Variants in TRIM36 observed in about 807,000 individuals in gnomAD.
TRIM36 encodes the protein E3 ubiquitin-protein ligase TRIM36.
TRIM36 carries 42 observed loss-of-function variants against 72.4 expected under a neutral mutation model. The observed-to-expected ratio is 0.58, with a 90% CI of 0.45 to 0.75. The LOEUF is 0.75. TRIM36 is among the 30% of genes least tolerant of loss of function. The probability of loss-of-function intolerance (pLI) is 0.00; values close to 1 mark genes in which losing one functional copy is unlikely to be tolerated. For missense variants in TRIM36, 913 were observed against 857.1 expected (o/e 1.07, Z -0.81); for synonymous variants, 315 against 282.8 (o/e 1.11, Z -1.14).
rs201318021 is a variant in TRIM36 at position 115,128,318 on chromosome 5, G to GA, written c.1797-1462dup. ...CAGGAGGTGGAGGTTGTGGTGAGCCGAGTTCATGCCATTGTACTCCAGCCT... is the reference window on the plus strand; with the variant it reads ...CAGGAGGTGGAGGTTGTGGTGAGCCGAAGTTCATGCCATTGTACTCCAGCCT... On this transcript the variant is annotated intron_variant, in intron 9 of 9. Coordinates refer to ENST00000513154, the MANE Select transcript of TRIM36 (RefSeq NM_001300759.2). 3.8e-3 allele frequency among the ~76,000 whole-genome samples: 574 copies of GA among 149,316 alleles called. 8 individuals are homozygous for GA. Among genetic ancestry groups the GA allele is most frequent in the Admixed American group, 0.028 (415 of 14,982 alleles).
intron 8 of TRIM36, among the ~76,000 whole-genome samples, chr5:115,132,184 A>ATGTGTGTGTGTG (rs141231840): frequency 7.1e-6 from 1 of 140,132 alleles, no homozygotes; most frequent in Non-Finnish European, 1.5e-5. Flanking sequence ...CTCTCTCTCT[A>ATGTGTGTGTGTG]TGTGTGTGTG....
At chr5:115,145,793 G>A (rs1354826834) in intron 3 of TRIM36, among the ~76,000 whole-genome samples, 1 of 152,148 alleles carries the variant, frequency 6.6e-6, no homozygotes, top group African/African-American at 2.4e-5. Context: ...ACTGGAAAAG[G>A]TTTCAAGTTT....
At chr5:115,151,353 A>G (rs563171377) in intron 2 of TRIM36, among the ~76,000 whole-genome samples, 5 of 152,178 alleles carry the variant, frequency 3.3e-5, no homozygotes, top group African/African-American at 9.6e-5. Flanking sequence ...TCATCCCCCA[A>G]TCCCCGCAGC....
At chr5:115,152,032 T>C (rs115218150) in intron 2 of TRIM36, among the ~76,000 whole-genome samples, 1 of 152,056 alleles carries the variant, frequency 6.6e-6, no homozygotes, top group Admixed American at 6.5e-5. Context: ...AAATCCTTGA[T>C]TTACCTGAAA....
chr5:115,126,956 GT>G, intron 9 of TRIM36, 99 bp from the exon 10 acceptor site: 2 of 1,183,180 alleles, frequency 1.7e-6, no homozygotes, highest in Non-Finnish European at 2.3e-6. Flanking sequence ...AGTTAAAATA[GT>G]TTTTACATCA....
chr5:115,126,808 C>A lies in TRIM36; in HGVS notation c.1846G>T (p.Asp616Tyr), dbSNP rs1389846079. 1.1e-5 allele frequency: 18 copies of A among 1,613,878 alleles called. No homozygotes were observed. The highest frequency in any genetic ancestry group is 1.5e-5 in the Non-Finnish European group (18 of 1,179,968). The change falls in exon 10 of 10, where the codon GAT becomes TAT. Residue 616 changes from aspartate (D) to tyrosine (Y), a missense_variant. Coordinates refer to ENST00000513154, the MANE Select transcript of TRIM36 (RefSeq NM_001300759.2). ...ACTAAGGTAAATGGTTGTGAAGAAT[C>A]AAAACAGGCATCCTCACTTCCACTG... ...HDSGSEDACF[D>Y]SSQPFTLVTI...
chr5:115,148,415 C>CT (rs146223001), intron 2 of TRIM36: 84,421 of 497,190 alleles, frequency 0.17, 4,959 homozygotes, highest in African/African-American at 0.28. Context: ...TAAATCTGTT[C>CT]TTTTTTTTTT....
At chr5:115,133,736 TG>T in intron 8 of TRIM36, 123 bp downstream of exon 8, 1 of 954,724 alleles carries the variant, frequency 1.0e-6, no homozygotes, top group Non-Finnish European at 1.4e-6. Context: ...GCTACTTTTC[TG>T]GAGTCTTTTA....
At chr5:115,179,939 G>C (rs1453663744) in intron 1 of TRIM36, 1 of 1,605,536 alleles carries the variant, frequency 6.2e-7, no homozygotes, top group Non-Finnish European at 8.5e-7. Context: ...CGGAGTCGGG[G>C]GCCCAGGCCG....
chr5:115,147,493 T>C, intron 2 of TRIM36, 99 bp from the exon 3 acceptor site: 4 of 1,343,586 alleles, frequency 3.0e-6, no homozygotes. Context: ...TACAAATGTA[T>C]CACAAAAACA....
chr5:115,141,089 A>G (rs1753252802), intron 5 of TRIM36, among the ~76,000 whole-genome samples, 190 bp downstream of exon 5: 1 of 152,196 alleles, frequency 6.6e-6, no homozygotes, highest in Admixed American at 6.5e-5. Flanking sequence ...GCTCTACCAC[A>G]GAAGTGACCA....
In TRIM36 at chr5:115,163,708, G is replaced by C; in HGVS notation, c.72C>G (p.Cys24Trp). 1 of 1,614,166 alleles carries C rather than the reference G, an allele frequency of 6.2e-7. No homozygotes were observed. The highest frequency in any genetic ancestry group is 8.5e-7 in the Non-Finnish European group (1 of 1,180,040). Residue 24 changes from cysteine (C) to tryptophan (W), a missense_variant, in exon 2 of 10, where the codon TGC (cysteine) becomes TGG (tryptophan). Cys to Trp is a radical substitution (Grantham distance 215). Transcript: ENST00000513154. The part of the protein sequence containing the change: ...NIERELICPA[C>W]KELFTHPLIL... Reference sequence around the variant, plus strand: ...TCAATGGGTGGGTAAACAGCTCCTTGCATGCTGGGCAAATGAGCTCCCTTT... The same window carrying C: ...TCAATGGGTGGGTAAACAGCTCCTTCCATGCTGGGCAAATGAGCTCCCTTT...
At chr5:115,149,224 A>G (rs995075796) in intron 2 of TRIM36, 1 of 152,208 alleles carries the variant, frequency 6.6e-6, no homozygotes, top group Non-Finnish European at 1.5e-5. Context: ...CACAGCAGGC[A>G]TATCATGAAA....
At chr5:115,147,485 C>A (rs551517573) in intron 2 of TRIM36, 91 bp from the exon 3 acceptor site, 23 of 1,360,544 alleles carry the variant, frequency 1.7e-5, no homozygotes, top group Admixed American at 8.9e-5. Flanking sequence ...GACATATCTA[C>A]AAATGTATCA....
At chr5:115,176,224 T>C (rs1035287863) in intron 1 of TRIM36, among the ~76,000 whole-genome samples, 20 of 152,364 alleles carry the variant, frequency 1.3e-4, no homozygotes, top group African/African-American at 4.8e-4. Flanking sequence ...CAACTATCTA[T>C]TCGTCCTTCT....
chr5:115,177,655 A>G, intron 1 of TRIM36: 1 of 1,589,172 alleles, frequency 6.3e-7, no homozygotes, highest in Non-Finnish European at 8.6e-7. Flanking sequence ...GCCTGAGGAG[A>G]GTGGTAGGAA....
chr5:115,158,912 AAGAG>A (rs796535547), intron 2 of TRIM36, among the ~76,000 whole-genome samples: 4 of 152,258 alleles, frequency 2.6e-5, no homozygotes, highest in African/African-American at 9.6e-5. Flanking sequence ...ATGCAGAAGA[AAGAG>A]AGAAAGACAG....
chr5:115,133,341 C>CTAAA (rs1752791987), intron 8 of TRIM36, among the ~76,000 whole-genome samples: 1 of 152,058 alleles, frequency 6.6e-6, no homozygotes, highest in African/African-American at 2.4e-5. Flanking sequence ...GCATAAGGAG[C>CTAAA]TTTTAGCGTG....
chr5:115,146,079 T>C (rs1276586061), intron 3 of TRIM36, among the ~76,000 whole-genome samples: 1 of 152,196 alleles, frequency 6.6e-6, no homozygotes, highest in Admixed American at 6.5e-5. Flanking sequence ...AAACATCAGG[T>C]TGAAGTCACA....
Sources: gnomAD v4.1 joint callset for allele counts (sites outside exome capture counted in the v4.1 genomes callset) on GRCh38, gnomAD v4.1.1 for gene constraint, MANE v1.5 for transcripts, NCBI Gene and HGNC (gene_info 2026-07-23, HGNC 2026-07-21) for gene names.